The following CCL16 variants were observed in gnomAD, a reference collection of about 807,000 sequenced individuals.
CCL16 encodes C-C motif chemokine 16.
A neutral mutation model predicts 7.5 loss-of-function variants in CCL16; 6 were observed. That is an observed-to-expected ratio of 0.80 (90% CI 0.44 to 1.57). The LOEUF (loss-of-function observed/expected upper bound fraction) is 1.57, where lower values mean the gene tolerates loss of function less well. Ranked by LOEUF, CCL16 falls within the 40% of genes most tolerant of loss-of-function variation. CCL16 has a pLI of 0.01. For synonymous variants in CCL16, 60 were observed against 57.7 expected (o/e 1.04, Z -0.18); for missense variants, 134 against 142.9 (o/e 0.94, Z 0.32).
intron 1 of CCL16, among the ~76,000 whole-genome samples, chr17:35,980,727 A>G (rs1047349664): frequency 6.6e-6 from 1 of 152,086 alleles, no homozygotes; most frequent in African/African-American, 2.4e-5. Context: ...CCCTTTCCCC[A>G]CAGCTCCAAA....
chr17:35,980,553 GCAAA>G (rs1402445653), intron 1 of CCL16: 1 of 179,396 alleles, frequency 5.6e-6, no homozygotes, highest in Admixed American at 5.8e-5. Flanking sequence ...AACACAACAA[GCAAA>G]CAAACAAAAA....
At position 35,978,133 on chromosome 17, in the gene CCL16, A is replaced by C. The variant is rs755628216; in HGVS notation, c.197+10T>G. On this transcript the variant is annotated intron_variant, in intron 2 of 2. Coordinates refer to ENST00000611905, the MANE Select transcript of CCL16 (RefSeq NM_004590.4). Reference sequence around the variant, plus strand: ...CCTCTCCACAGAAATATCTAAAAGGACGTGCTTACATGATTGCTGGCAGGT... The same window carrying C: ...CCTCTCCACAGAAATATCTAAAAGGCCGTGCTTACATGATTGCTGGCAGGT... The C allele has an allele frequency of 2.5e-6, 4 of 1,614,108 alleles. No individual in the cohort carries two copies. Among genetic ancestry groups the C allele is most frequent in the Non-Finnish European group, 3.4e-6 (4 of 1,179,988 alleles).
intron 1 of CCL16, among the ~76,000 whole-genome samples, chr17:35,979,433 G>A (rs2089664669): frequency 1.3e-5 from 2 of 152,134 alleles, no homozygotes; most frequent in Admixed American, 1.3e-4. Context: ...TAGAGCAGGA[G>A]GAAAAAGTAT....
At chr17:35,977,769 T>G in intron 2 of CCL16, 38 bp from the exon 3 acceptor site, 2 of 1,601,244 alleles carry the variant, frequency 1.2e-6, no homozygotes, top group Non-Finnish European at 1.7e-6. Context: ...GGCTGCAGAC[T>G]CGGGCAGGAG....
At chr17:35,979,983 CAT>C (rs2089668788) in intron 1 of CCL16, among the ~76,000 whole-genome samples, 1 of 152,140 alleles carries the variant, frequency 6.6e-6, no homozygotes, top group Non-Finnish European at 1.5e-5. Flanking sequence ...TTGGGTGGGC[CAT>C]TTTCTCTTTC....
chr17:35,980,625 C>T (rs1030274611), intron 1 of CCL16: 2 of 155,432 alleles, frequency 1.3e-5, no homozygotes, highest in African/African-American at 2.4e-5. Flanking sequence ...CTTTGTCCTC[C>T]CCACCCCCGT....
rs759711291 is a variant in CCL16, at chr17:35,981,471, CT to C, written c.-52del. The C allele has an allele frequency of 3.6e-6, 5 of 1,402,524 alleles. No individual in the cohort carries two copies. In the South Asian group the frequency reaches 6.1e-5, roughly 17 times the overall value. 86.9% of individuals were successfully genotyped at this position (1,402,524 alleles called of 1,614,324 possible). ...AGGGAGAGCCGAATGAAGATGTTGT[CT>C]GTTGCTGGTGGTCCGCTTGCCAACT... is the stretch of plus-strand genomic sequence containing the variant. On this transcript the variant is annotated 5_prime_UTR_variant, in exon 1 of 3. Coordinates refer to ENST00000611905, the MANE Select transcript of CCL16 (RefSeq NM_004590.4).
chr17:35,979,274 T>C (rs560782638), intron 1 of CCL16, among the ~76,000 whole-genome samples: 1 of 151,504 alleles, frequency 6.6e-6, no homozygotes, highest in Non-Finnish European at 1.5e-5. Flanking sequence ...TAGGAAGAAA[T>C]GAATGGGCAG....
chr17:35,980,121 C>T (rs1159738373), intron 1 of CCL16, among the ~76,000 whole-genome samples: 1 of 152,256 alleles, frequency 6.6e-6, no homozygotes, highest in Non-Finnish European at 1.5e-5. Flanking sequence ...TTACAAAGAC[C>T]AGGGTCATCC....
intron 2 of CCL16, 75 bp from the exon 3 acceptor site, chr17:35,977,806 C>T: frequency 1.3e-6 from 2 of 1,502,286 alleles, no homozygotes; most frequent in Non-Finnish European, 1.8e-6. Flanking sequence ...ACCTCTGGTT[C>T]ACATGGAGCT....
rs2089679823 is a variant in CCL16 at position 35,981,379 on chromosome 17, G to A, written c.42C>T (p.Ile14=). The A allele has an allele frequency of 1.9e-6, 3 of 1,613,156 alleles. No homozygotes were observed. Among genetic ancestry groups the A allele is most frequent in the Non-Finnish European group, 2.5e-6 (3 of 1,179,640 alleles). The change falls in exon 1 of 3, where the codon ATC becomes ATT. Residue 14 remains isoleucine (I), a synonymous_variant. Transcript: ENST00000611905. ...SEAALSLLVL[I]LIITSASRSQ... ...TGCGAGAAGCCGAAGTAATGATAAG[G>A]ATGAGGACAAGGAGAGACAGGGCAG...
chr17:35,979,451 A>G (rs1446513686), intron 1 of CCL16, among the ~76,000 whole-genome samples: 1 of 152,186 alleles, frequency 6.6e-6, no homozygotes, highest in Non-Finnish European at 1.5e-5. Context: ...TATATGATTT[A>G]GGCTTTGGGG....
At position 35,976,700 on chromosome 17, in the gene CCL16, C is replaced by T. The variant is rs1449510661; in HGVS notation, c.*866G>A. The stretch of plus-strand genomic sequence containing the variant: ...AGGCACTCTCTGTACCCCTGCCACC[C>T]TGAGGAAGACAAAATATGAGAGGAT... On this transcript the variant is annotated 3_prime_UTR_variant, in exon 3 of 3. Coordinates refer to ENST00000611905, the MANE Select transcript of CCL16 (RefSeq NM_004590.4). The T allele has an allele frequency of 1.3e-5, 2 of 151,312 alleles. No homozygotes were observed. Among genetic ancestry groups the T allele is most frequent in the African/African-American group, 4.9e-5 (2 of 41,100 alleles). The allele number at this position is 151,312 out of a possible 1,614,324, so 9.4% of individuals were successfully genotyped here. A position where few individuals can be genotyped will look rare whatever the true frequency, so the allele number is the denominator to read the frequency against.
At chr17:35,980,839 T>C (rs1337912501) in intron 1 of CCL16, among the ~76,000 whole-genome samples, 2 of 152,138 alleles carry the variant, frequency 1.3e-5, no homozygotes, top group African/African-American at 4.8e-5. Context: ...CCACTGGGAC[T>C]CATTTTGGTT....
At chr17:35,979,887 A>G (rs1280914303) in intron 1 of CCL16, among the ~76,000 whole-genome samples, 1 of 152,156 alleles carries the variant, frequency 6.6e-6, no homozygotes, top group East Asian at 1.9e-4. Flanking sequence ...TTCAGAGTGC[A>G]AATCTTTTTG....
chr17:35,977,713 G>A lies in CCL16; in HGVS notation c.216C>T (p.Asn72=). The A allele has an allele frequency of 6.2e-7, 1 of 1,612,096 alleles. No individual in the cohort carries two copies. The highest frequency in any genetic ancestry group is 1.3e-5 in the African/African-American group (1 of 74,970). Residue 72 remains asparagine, a synonymous_variant, in exon 3 of 3, where the codon AAC becomes AAT. Transcript: ENST00000611905. ...CATTGGGGTTGGTGCAGACTTCTCG[G>A]TTCCTCTTGGTGACGAAGCTGCAGA... ...LPAIIFVTKR[N]REVCTNPNDD... is the part of the protein sequence containing the mutation.
Position 35,981,430 on chromosome 17 carries a change from G to A in CCL16, c.-10C>T, listed in dbSNP as rs542591738. On this transcript the variant is annotated 5_prime_UTR_variant, in exon 1 of 3. Coordinates refer to ENST00000611905, the MANE Select transcript of CCL16 (RefSeq NM_004590.4). ...CCTCGGAGACCTTCATCCTCTCAGC[G>A]AGGCAGTACAGCTTCAGGGAGAGCC... The A allele has an allele frequency of 1.7e-5, 28 of 1,602,180 alleles. No homozygotes were observed. The highest frequency in any genetic ancestry group is 1.5e-4 in the South Asian group (13 of 89,382).
Position 35,977,499 on chromosome 17 carries a change from G to C in CCL16, c.*67C>G. On this transcript the variant is annotated 3_prime_UTR_variant, in exon 3 of 3. Transcript: ENST00000611905. ...GACTGGCTAGTTTCAGCCTAATAAGGCTTCCCCTGTTTTCATAGGTTTACC... is the reference window on the plus strand; with the variant it reads ...GACTGGCTAGTTTCAGCCTAATAAGCCTTCCCCTGTTTTCATAGGTTTACC... 1 of 1,432,368 alleles carries C rather than the reference G, an allele frequency of 7.0e-7. No individual in the cohort carries two copies. Among genetic ancestry groups the C allele is most frequent in the Admixed American group, 1.9e-5 (1 of 53,506 alleles). The allele number at this position is 1,432,368 out of a possible 1,614,324, so 88.7% of individuals were successfully genotyped here. A position where few individuals can be genotyped will look rare whatever the true frequency, so the allele number is the denominator to read the frequency against.
Position 35,977,026 on chromosome 17 carries a change from GA to G in CCL16, c.*539del, listed in dbSNP as rs1338608024. The G allele has an allele frequency of 6.6e-6, 1 of 152,472 alleles. No individual in the cohort carries two copies. Among genetic ancestry groups the G allele is most frequent in the Non-Finnish European group, 1.5e-5 (1 of 68,310 alleles). 9.4% of individuals were successfully genotyped at this position (152,472 alleles called of 1,614,324 possible). ...TGAAATATATTTTTCTGTGTATTAA[GA>G]GTGCACTGGCCGGATGTGGTGGCTC... On this transcript the variant is annotated 3_prime_UTR_variant, in exon 3 of 3. Coordinates refer to ENST00000611905, the MANE Select transcript of CCL16 (RefSeq NM_004590.4).
Sources: allele counts gnomAD v4.1 joint callset (sites outside exome capture counted in the v4.1 genomes callset), GRCh38; gene constraint gnomAD v4.1.1; transcripts MANE v1.5; gene names NCBI Gene and HGNC (gene_info 2026-07-23, HGNC 2026-07-21).